LAMA3: variants seen among roughly 807,000 people sequenced by gnomAD.
LAMA3 encodes the protein laminin subunit alpha 3, also known as laminin subunit alpha-3.
A neutral mutation model predicts 402.0 loss-of-function variants in LAMA3; 281 were observed. That is an observed-to-expected ratio of 0.70 (90% CI 0.63 to 0.77). LAMA3 has a LOEUF of 0.77. Ranked by LOEUF, LAMA3 falls within the 30% of genes least tolerant of loss-of-function variation. LAMA3 has a pLI of 0.00. For synonymous variants in LAMA3, 1,431 were observed against 1,558.4 expected, an observed-to-expected ratio of 0.92 and a Z score of 1.93; for missense variants, 3,840 against 4,215.5, an observed-to-expected ratio of 0.91 and a Z score of 2.47.
At chr18:23,883,366 A>G (rs2064965527) in intron 40 of LAMA3, among the ~76,000 whole-genome samples, 1 of 152,136 alleles carries the variant, frequency 6.6e-6, no homozygotes, top group Non-Finnish European at 1.5e-5. Flanking sequence ...TCATATCCTT[A>G]CTCATCACAA....
intron 1 of LAMA3, among the ~76,000 whole-genome samples, chr18:23,702,067 T>C (rs2060800657): frequency 6.6e-6 from 1 of 152,060 alleles, no homozygotes; most frequent in Admixed American, 6.6e-5. Context: ...CAGGAGCTTC[T>C]CCATACCAAC....
Position 23,768,464 on chromosome 18 carries a change from G to A in LAMA3, c.1182+4941G>A, listed in dbSNP as rs555605185. Among the ~76,000 whole-genome samples the A allele has an allele frequency of 4.9e-4, 75 of 152,282 alleles. 3 individuals are homozygous for A. The East Asian group carries it at 0.013, about 25-fold the overall frequency. On this transcript the variant is annotated intron_variant, in intron 8 of 74. Transcript: ENST00000313654. ...ATATCATCTCACACCAGCTAGAATGGCTATTATTAAAAAGTCAAAAAACAA... is the reference window on the plus strand; with the variant it reads ...ATATCATCTCACACCAGCTAGAATGACTATTATTAAAAAGTCAAAAAACAA...
At chr18:23,831,002 A>G (rs140349071) in intron 23 of LAMA3, among the ~76,000 whole-genome samples, 1 of 152,320 alleles carries the variant, frequency 6.6e-6, no homozygotes, top group Non-Finnish European at 1.5e-5. Context: ...CAAAATTCTT[A>G]GGGTCATCCA....
At chr18:23,761,580 G>T (rs2061970199) in intron 7 of LAMA3, among the ~76,000 whole-genome samples, 1 of 152,182 alleles carries the variant, frequency 6.6e-6, no homozygotes, top group East Asian at 1.9e-4. Flanking sequence ...GATTAAATGA[G>T]ATAATTCATG....
At chr18:23,721,494 G>T (rs943296655) in intron 2 of LAMA3, among the ~76,000 whole-genome samples, 3 of 152,120 alleles carry the variant, frequency 2.0e-5, no homozygotes, top group African/African-American at 7.2e-5. Flanking sequence ...ACTAGAAGTG[G>T]CACATCAGCT....
intron 12 of LAMA3, among the ~76,000 whole-genome samples, chr18:23,796,698 G>T (rs1050947628): frequency 6.6e-6 from 1 of 151,974 alleles, no homozygotes; most frequent in African/African-American, 2.4e-5. Flanking sequence ...TCTTCCCATT[G>T]ATTTTTTTTT....
At chr18:23,915,483 T>G in intron 59 of LAMA3, 61 bp downstream of exon 59, 1 of 1,492,476 alleles carries the variant, frequency 6.7e-7, no homozygotes, top group Admixed American at 1.7e-5. Flanking sequence ...TGCAGTACTT[T>G]TACATATGAT....
chr18:23,762,967 C>CT (rs2062001878), intron 7 of LAMA3, among the ~76,000 whole-genome samples: 1 of 151,990 alleles, frequency 6.6e-6, no homozygotes, highest in African/African-American at 2.4e-5. Flanking sequence ...AGCGATTCTT[C>CT]TGCCTCAGCC....
At chr18:23,859,085 T>C (rs1337353850) in intron 34 of LAMA3, among the ~76,000 whole-genome samples, 1 of 152,220 alleles carries the variant, frequency 6.6e-6, no homozygotes, top group Non-Finnish European at 1.5e-5. Context: ...TAACATTTTG[T>C]TTTAAAATTT....
chr18:23,707,062 G>A (rs2060902869), intron 1 of LAMA3, among the ~76,000 whole-genome samples: 1 of 152,192 alleles, frequency 6.6e-6, no homozygotes, highest in Non-Finnish European at 1.5e-5. Context: ...TGGGCAACAA[G>A]AGTGAAACTC....
chr18:23,907,474 C>T (rs1213752397), intron 52 of LAMA3, 76 bp from the exon 53 acceptor site: 6 of 1,063,880 alleles, frequency 5.6e-6, no homozygotes, highest in Non-Finnish European at 7.3e-6. Flanking sequence ...ACACTGGCTA[C>T]TTCAGGGGCC....
intron 32 of LAMA3, among the ~76,000 whole-genome samples, chr18:23,848,358 T>A (rs975102312): frequency 2.0e-5 from 3 of 152,156 alleles, no homozygotes; most frequent in Non-Finnish European, 4.4e-5. Flanking sequence ...ATTCAGAGGC[T>A]GCATTGGAAT....
At chr18:23,904,196 G>A (rs2081165393) in intron 50 of LAMA3, 109 bp downstream of exon 50, 2 of 1,246,878 alleles carry the variant, frequency 1.6e-6, no homozygotes, top group South Asian at 1.2e-5. Flanking sequence ...AGAACTGGGT[G>A]GAGGGCGGAG....
At chr18:23,814,194 G>A (rs181734377) in intron 14 of LAMA3, among the ~76,000 whole-genome samples, 2 of 152,034 alleles carry the variant, frequency 1.3e-5, no homozygotes, top group East Asian at 1.9e-4. Context: ...CCACAAATGC[G>A]GATTACATGC....
In LAMA3 at chr18:23,879,856, C is replaced by CAGTA. The variant is rs1193067058; in HGVS notation, c.5113-2079_5113-2076dup. Among the ~76,000 whole-genome samples, 1 of 152,182 alleles carries CAGTA rather than the reference C, an allele frequency of 6.6e-6. No individual in the cohort carries two copies. Among genetic ancestry groups the CAGTA allele is most frequent in the African/African-American group, 2.4e-5 (1 of 41,438 alleles). ...CTCTCCTCTCACCCCTGTGAAGGAC[C>CAGTA]AGTACTCAGAGTGATTTTAGTAGGA... On this transcript the variant is annotated intron_variant, in intron 39 of 74. Coordinates refer to ENST00000313654, the MANE Select transcript of LAMA3 (RefSeq NM_198129.4). The surrounding 1 kb of genome is among the most constrained non-coding windows in gnomAD (Gnocchi z 4.2).
intron 12 of LAMA3, among the ~76,000 whole-genome samples, chr18:23,795,444 A>G (rs1438709045): frequency 6.6e-6 from 1 of 152,224 alleles, no homozygotes; most frequent in Non-Finnish European, 1.5e-5. Flanking sequence ...ATTATGTCTA[A>G]TATACCTGCT....
chr18:23,909,177 C>G lies in LAMA3; in HGVS notation c.7040C>G (p.Pro2347Arg). Residue 2347 changes from proline to arginine, a missense_variant, in exon 55 of 75, where the codon CCT becomes CGT. Transcript: ENST00000313654. ...GTGAATAAGTTAACCAACAAACTAC[C>G]TGATCTTTGGCGCAAGATTGAAAGT... ...NSVNKLTNKL[P>R]DLWRKIESIN... 6.2e-7 allele frequency: 1 copy of G among 1,613,992 alleles called. No individual in the cohort carries two copies. Among genetic ancestry groups the G allele is most frequent in the Non-Finnish European group, 8.5e-7 (1 of 1,179,952 alleles).
chr18:23,906,440 A>AT (rs1340263092), intron 52 of LAMA3, among the ~76,000 whole-genome samples: 1 of 152,118 alleles, frequency 6.6e-6, no homozygotes, highest in Non-Finnish European at 1.5e-5. Context: ...TTACTTACTT[A>AT]TTTTTTTAAA....
At chr18:23,747,242 G>C (rs902135318) in intron 2 of LAMA3, among the ~76,000 whole-genome samples, 2 of 152,162 alleles carry the variant, frequency 1.3e-5, no homozygotes, top group Admixed American at 1.3e-4. Flanking sequence ...GAAGGAATGG[G>C]AATAAACTGC....
Sources: gnomAD v4.1 joint callset for allele counts (sites outside exome capture counted in the v4.1 genomes callset) on GRCh38, gnomAD v4.1.1 for gene constraint, Gnocchi (gnomAD v3.1) non-coding constraint, MANE v1.5 for transcripts, NCBI Gene and HGNC (gene_info 2026-07-23, HGNC 2026-07-21) for gene names.